Variants in KCTD10 observed in about 807,000 individuals in gnomAD.
KCTD10 encodes BTB/POZ domain-containing adapter for CUL3-mediated RhoA degradation protein 3.
Under a neutral mutation model 34.6 loss-of-function variants are expected in KCTD10, and 13 were observed. The observed-to-expected ratio is 0.38, with a 90% confidence interval of 0.24 to 0.60. The LOEUF (loss-of-function observed/expected upper bound fraction) is 0.60. Among genes scored for constraint, KCTD10 ranks in the 20% least tolerant of loss-of-function variants. KCTD10 has a pLI of 0.66. For synonymous variants in KCTD10, 156 were observed against 168.8 expected (o/e 0.92, Z 0.59); for missense variants, 256 against 420.3 (o/e 0.61, Z 3.42).
intron 6 of KCTD10, among the ~76,000 whole-genome samples, chr12:109,455,847 T>A (rs1872990396): frequency 6.6e-6 from 1 of 152,016 alleles, no homozygotes; most frequent in Non-Finnish European, 1.5e-5. Flanking sequence ...GAGAGGATGA[T>A]ATAAAAACAC....
intron 1 of KCTD10, among the ~76,000 whole-genome samples, chr12:109,473,781 G>A: frequency 7.2e-6 from 1 of 139,094 alleles, no homozygotes; most frequent in African/African-American, 2.6e-5. Context: ...CTGGAATCCT[G>A]CTTTTTTTTT....
chr12:109,463,512 G>T (rs1448982836), intron 2 of KCTD10, among the ~76,000 whole-genome samples: 1 of 152,166 alleles, frequency 6.6e-6, no homozygotes, highest in African/African-American at 2.4e-5. Context: ...CCTCGCATGT[G>T]GGGGGTCTCT....
chr12:109,473,376 GC>G (rs1440844223), intron 1 of KCTD10, among the ~76,000 whole-genome samples: 3 of 152,194 alleles, frequency 2.0e-5, no homozygotes, highest in Non-Finnish European at 4.4e-5. Context: ...AGGGCCAAAA[GC>G]CTCACCTCCC....
chr12:109,451,480 A>G lies in KCTD10; in HGVS notation c.*115T>C, dbSNP rs1872761787. On this transcript the variant is annotated 3_prime_UTR_variant, in exon 7 of 7. Transcript: ENST00000228495. The surrounding 1 kb of genome is among the most constrained non-coding windows in gnomAD (Gnocchi z 5.0). ...AAATAATCATCTGGCTTGTTACAAA[A>G]GTATCTCCAGGCTCCAAGGGAAGCA... The G allele has an allele frequency of 4.1e-6, 4 of 983,664 alleles. No individual in the cohort carries two copies. The highest frequency in any genetic ancestry group is 6.0e-6 in the Non-Finnish European group (4 of 671,192). The allele number at this position is 983,664 out of a possible 1,614,324, so 60.9% of individuals were successfully genotyped here.
At chr12:109,456,001 C>T in intron 6 of KCTD10, 117 bp downstream of exon 6, 3 of 999,544 alleles carry the variant, frequency 3.0e-6, no homozygotes, top group Non-Finnish European at 4.4e-6. Context: ...TGAGCAATCA[C>T]AAGGCAAGCA....
intron 2 of KCTD10, among the ~76,000 whole-genome samples, chr12:109,461,879 G>A: frequency 6.6e-6 from 1 of 152,366 alleles, no homozygotes; most frequent in South Asian, 2.1e-4. Flanking sequence ...AGTGCGCAGG[G>A]CCGTGAGAAG....
At chr12:109,469,848 G>A (rs1255794314) in intron 1 of KCTD10, 120 bp from the exon 2 acceptor site, 3 of 1,466,042 alleles carry the variant, frequency 2.0e-6, no homozygotes, top group South Asian at 1.4e-5. Context: ...GCATTTAAAA[G>A]TTTGCTTCCA....
intron 2 of KCTD10, among the ~76,000 whole-genome samples, chr12:109,464,402 C>G (rs1223274700): frequency 6.6e-6 from 1 of 152,154 alleles, no homozygotes; most frequent in Non-Finnish European, 1.5e-5. Flanking sequence ...GCCAGGAGCA[C>G]CATCATCCCC....
chr12:109,467,009 C>T (rs923469124), intron 2 of KCTD10, among the ~76,000 whole-genome samples: 13 of 152,224 alleles, frequency 8.5e-5, no homozygotes, highest in African/African-American at 2.7e-4. Flanking sequence ...CTGCCAGACA[C>T]AGACAACAGC....
chr12:109,466,830 T>C (rs1873616974), intron 2 of KCTD10, among the ~76,000 whole-genome samples: 1 of 152,246 alleles, frequency 6.6e-6, no homozygotes. Flanking sequence ...TTCTGCCTAT[T>C]TGTAGCAAAC....
chr12:109,468,376 A>G (rs1444447226), intron 2 of KCTD10, among the ~76,000 whole-genome samples: 1 of 151,420 alleles, frequency 6.6e-6, no homozygotes, highest in African/African-American at 2.4e-5. Flanking sequence ...AAACTCACCC[A>G]CCCTCCCAAG....
intron 2 of KCTD10, among the ~76,000 whole-genome samples, chr12:109,466,755 C>G (rs1873611917): frequency 6.6e-6 from 1 of 152,246 alleles, no homozygotes; most frequent in Admixed American, 6.5e-5. Flanking sequence ...ACCTTCAAAG[C>G]CCCTGTCCTT....
At chr12:109,471,664 A>G (rs1353176537) in intron 1 of KCTD10, among the ~76,000 whole-genome samples, 2 of 152,174 alleles carry the variant, frequency 1.3e-5, no homozygotes, top group Non-Finnish European at 2.9e-5. Flanking sequence ...TGACAGGAGT[A>G]GCTTATGGAA....
At chr12:109,475,061 A>G (rs540345161) in intron 1 of KCTD10, among the ~76,000 whole-genome samples, 2 of 152,304 alleles carry the variant, frequency 1.3e-5, no homozygotes, top group Admixed American at 1.3e-4. Context: ...AAACCCTCAG[A>G]GAATGAATGT....
At chr12:109,475,505 A>C (rs927094843) in intron 1 of KCTD10, among the ~76,000 whole-genome samples, 1 of 149,156 alleles carries the variant, frequency 6.7e-6, no homozygotes, top group African/African-American at 2.6e-5. Context: ...ACTCACACAC[A>C]CCTGTGCTTG....
intron 2 of KCTD10, among the ~76,000 whole-genome samples, chr12:109,464,017 G>T (rs918755828): frequency 6.6e-6 from 1 of 152,150 alleles, no homozygotes; most frequent in Non-Finnish European, 1.5e-5. Flanking sequence ...GGGGTCAGGA[G>T]GATTGGGCCA....
At chr12:109,475,093 C>T (rs1407968806) in intron 1 of KCTD10, among the ~76,000 whole-genome samples, 1 of 152,158 alleles carries the variant, frequency 6.6e-6, no homozygotes, top group African/African-American at 2.4e-5. Context: ...GCACCTAGTC[C>T]TTTGTGTAGT....
chr12:109,469,020 C>T, intron 2 of KCTD10: 1 of 152,998 alleles, frequency 6.5e-6, no homozygotes, highest in Non-Finnish European at 1.5e-5. Context: ...GTGTGTATAT[C>T]TATCTATCTA....
intron 2 of KCTD10, among the ~76,000 whole-genome samples, chr12:109,467,213 T>G (rs1329724598): frequency 6.6e-6 from 1 of 152,244 alleles, no homozygotes; most frequent in Non-Finnish European, 1.5e-5. Context: ...CTTCACCTTT[T>G]CTAGTCCCAT....
Sources: allele counts gnomAD v4.1 joint callset (sites outside exome capture counted in the v4.1 genomes callset), GRCh38; gene constraint gnomAD v4.1.1; non-coding constraint Gnocchi (gnomAD v3.1); transcripts MANE v1.5; gene names NCBI Gene and HGNC (gene_info 2026-07-23, HGNC 2026-07-21).